The following PFDN4 variants were observed in gnomAD, a reference collection of about 807,000 sequenced individuals.
The protein encoded by PFDN4 is prefoldin 4.
PFDN4 carries 6 observed loss-of-function variants against 17.6 expected under a neutral mutation model. The ratio of observed to expected loss-of-function variants is 0.34; its 90% confidence interval spans 0.19 to 0.67. The LOEUF (loss-of-function observed/expected upper bound fraction) is 0.67, where lower values mean the gene tolerates loss of function less well. Among genes scored for constraint, PFDN4 ranks in the 30% least tolerant of loss-of-function variants. PFDN4 has a pLI of 0.68. For missense variants in PFDN4, 119 were observed against 158.4 expected (o/e 0.75, Z 1.33); for synonymous variants, 48 against 51.1 (o/e 0.94, Z 0.26).
intron 2 of PFDN4, among the ~76,000 whole-genome samples, chr20:54,214,982 G>GT (rs948311092): frequency 1.3e-5 from 2 of 152,126 alleles, no homozygotes; most frequent in African/African-American, 4.8e-5. Flanking sequence ...ATGTAGGCTG[G>GT]TTTTTTTGGT....
intron 3 of PFDN4, 120 bp downstream of exon 3, chr20:54,215,560 A>G (rs888951305): frequency 7.9e-6 from 5 of 633,030 alleles, no homozygotes; most frequent in South Asian, 3.0e-5. Context: ...GTTATGTCCC[A>G]GGCATGCTCC....
chr20:54,212,632 G>A (rs1176560716), intron 1 of PFDN4, among the ~76,000 whole-genome samples: 4 of 152,238 alleles, frequency 2.6e-5, no homozygotes, highest in South Asian at 2.1e-4. Context: ...CACTGGATCC[G>A]TTCATGTGAA....
At position 54,219,095 on chromosome 20, in the gene PFDN4, T is replaced by C; in HGVS notation, c.350T>C (p.Val117Ala). The change falls in exon 4 of 4, where the codon GTT (valine) becomes GCT (alanine). Residue 117 changes from valine to alanine, a missense_variant. By Grantham distance (64) the Val-to-Ala change is moderately conservative. This residue lies in a region of PFDN4 where 81 missense variants were observed against 111.7 expected (regional missense o/e 0.73). Coordinates refer to ENST00000371419, the MANE Select transcript of PFDN4 (RefSeq NM_002623.4). ...SIQRVLADLK[V>A]QLYAKFGSNI... ...CAGCGAGTGTTAGCAGATTTGAAAG[T>C]TCAGTTGTATGCAAAATTCGGGAGC... 6.3e-7 allele frequency: 1 copy of C among 1,594,402 alleles called. No homozygotes were observed. Among genetic ancestry groups the C allele is most frequent in the Non-Finnish European group, 8.6e-7 (1 of 1,168,028 alleles).
intron 2 of PFDN4, 74 bp from the exon 3 acceptor site, chr20:54,215,226 C>A: frequency 1.8e-6 from 2 of 1,089,332 alleles, no homozygotes; most frequent in East Asian, 2.4e-5. Flanking sequence ...AGTTGCTGTC[C>A]CCAAATTACA....
At chr20:54,211,623 G>A (rs1358800924) in intron 1 of PFDN4, among the ~76,000 whole-genome samples, 1 of 152,148 alleles carries the variant, frequency 6.6e-6, no homozygotes, top group Non-Finnish European at 1.5e-5. Context: ...GGATTGGATT[G>A]CAGCCTGACT....
intron 1 of PFDN4, chr20:54,209,037 G>T (rs1322383982): frequency 6.6e-6 from 1 of 152,242 alleles, no homozygotes; most frequent in Non-Finnish European, 1.5e-5. Context: ...AGAAGAAAAA[G>T]AAAATTGGAG....
rs116788543 is a variant in PFDN4 at position 54,214,045 on chromosome 20, A to C, written c.25-306A>C. ...ATGAAAGAATGCTCCAACTTGAGAA[A>C]TTCTGCTCTGTGCCAAAAGTTGGCT... On this transcript the variant is annotated intron_variant, in intron 1 of 3. Transcript: ENST00000371419. 5.0e-3 allele frequency among the ~76,000 whole-genome samples: 759 copies of C among 152,274 alleles called. 9 individuals are homozygous for C. The highest frequency in any genetic ancestry group is 0.017 in the African/African-American group (722 of 41,554).
Position 54,215,033 on chromosome 20 carries a change from T to G in PFDN4, c.133-267T>G, listed in dbSNP as rs571665223. On this transcript the variant is annotated intron_variant, in intron 2 of 3. Coordinates refer to ENST00000371419, the MANE Select transcript of PFDN4 (RefSeq NM_002623.4). Reference sequence around the variant, plus strand: ...AGGCAGAATTCACAAAGTCAAAAATTGTTAAAATAGAAGAAATTTTGAGTG... The same window carrying G: ...AGGCAGAATTCACAAAGTCAAAAATGGTTAAAATAGAAGAAATTTTGAGTG... 2.0e-5 allele frequency among the ~76,000 whole-genome samples: 3 copies of G among 152,342 alleles called. No homozygotes were observed. In the East Asian group the frequency reaches 5.8e-4, roughly 29 times the overall value.
At chr20:54,218,529 C>T (rs189574939) in intron 3 of PFDN4, among the ~76,000 whole-genome samples, 95 of 152,256 alleles carry the variant, frequency 6.2e-4, no homozygotes, top group African/African-American at 2.2e-3. Context: ...CTTTTTACCA[C>T]TCTTTTCCAA....
chr20:54,212,981 A>G (rs576321536), intron 1 of PFDN4, among the ~76,000 whole-genome samples: 1 of 152,342 alleles, frequency 6.6e-6, no homozygotes, highest in Non-Finnish European at 1.5e-5. Context: ...TGCATGTGAA[A>G]TTGTTTCTTG....
chr20:54,211,688 G>C (rs756364654), intron 1 of PFDN4, among the ~76,000 whole-genome samples: 30 of 152,114 alleles, frequency 2.0e-4, no homozygotes, highest in Admixed American at 1.6e-3. Flanking sequence ...GTTCTTCCTA[G>C]AGTTCTTCTG....
intron 3 of PFDN4, among the ~76,000 whole-genome samples, chr20:54,217,954 T>A (rs895909665): frequency 3.3e-5 from 5 of 152,168 alleles, no homozygotes; most frequent in African/African-American, 1.2e-4. Flanking sequence ...GGCCCCAGAA[T>A]GTGTATTTCT....
Position 54,219,861 on chromosome 20 carries a change from A to G in PFDN4, c.*711A>G. ...ATTTTATTTTAGTGCTTTGTAATTAATTGGGGTTTATATTGATAAAGATGT... is the reference window on the plus strand; with the variant it reads ...ATTTTATTTTAGTGCTTTGTAATTAGTTGGGGTTTATATTGATAAAGATGT... On this transcript the variant is annotated 3_prime_UTR_variant, in exon 4 of 4. Coordinates refer to ENST00000371419, the MANE Select transcript of PFDN4 (RefSeq NM_002623.4). The G allele has an allele frequency of 2.5e-6, 1 of 396,296 alleles. No individual in the cohort carries two copies. The highest frequency in any genetic ancestry group is 4.4e-6 in the Non-Finnish European group (1 of 224,840). 24.5% of individuals were successfully genotyped at this position (396,296 alleles called of 1,614,324 possible). A position where few individuals can be genotyped will look rare whatever the true frequency, so the allele number is the denominator to read the frequency against.
chr20:54,215,321 G>T lies in PFDN4; in HGVS notation c.154G>T (p.Asp52Tyr). 6.3e-6 allele frequency: 10 copies of T among 1,587,546 alleles called. No homozygotes were observed. The highest frequency in any genetic ancestry group is 8.6e-6 in the Non-Finnish European group (10 of 1,164,376). Reference sequence around the variant, plus strand: ...ATAGAAACAACTCCAAAACCTAGAAGATGCTTGTGATGACATCATGCTTGC... The same window carrying T: ...ATAGAAACAACTCCAAAACCTAGAATATGCTTGTGATGACATCATGCTTGC... ...VKKKQLQNLEDACDDIMLADD... is the reference protein window; with the variant it reads ...VKKKQLQNLEYACDDIMLADD... The change falls in exon 3 of 4, where the codon GAT becomes TAT. Residue 52 changes from aspartate to tyrosine, a missense_variant. Physicochemically the swap from Asp to Tyr is radical, Grantham distance 160. Around this residue, in one of 3 missense-constraint regions of PFDN4, gnomAD observed 81 missense variants for 111.7 expected, o/e 0.73. Transcript: ENST00000371419.
chr20:54,213,790 C>T (rs2092759079), intron 1 of PFDN4, among the ~76,000 whole-genome samples: 1 of 152,100 alleles, frequency 6.6e-6, no homozygotes, highest in African/African-American at 2.4e-5. Flanking sequence ...AAATACTAAA[C>T]ATTCAATTTT....
intron 1 of PFDN4, among the ~76,000 whole-genome samples, chr20:54,209,359 A>G (rs919522703): frequency 2.6e-5 from 4 of 152,180 alleles, no homozygotes; most frequent in Non-Finnish European, 5.9e-5. Context: ...CCAGTACCAC[A>G]TAGTCTATGC....
At position 54,211,787 on chromosome 20, in the gene PFDN4, C is replaced by T. The variant is rs190054626; in HGVS notation, c.25-2564C>T. Among the ~76,000 whole-genome samples, 224 of 152,284 alleles carry T rather than the reference C, an allele frequency of 1.5e-3. 1 individual carries two copies. In the Middle Eastern group the frequency reaches 0.017, roughly 12 times the overall value. On this transcript the variant is annotated intron_variant, in intron 1 of 3. Transcript: ENST00000371419. ...GATCCCTTTGAGAATCTGGTGAAAG[C>T]TATGAAGACCTTCCAGAAGGATGCA...
In PFDN4 at chr20:54,219,415, TTA is replaced by T. The variant is rs2092766840; in HGVS notation, c.*267_*268del. 5.4e-6 allele frequency: 2 copies of T among 367,666 alleles called. No individual in the cohort carries two copies. 22.8% of individuals were successfully genotyped at this position (367,666 alleles called of 1,614,324 possible). On this transcript the variant is annotated 3_prime_UTR_variant, in exon 4 of 4. Coordinates refer to ENST00000371419, the MANE Select transcript of PFDN4 (RefSeq NM_002623.4). ...TTATTAAAATCAGTTAAGCAATCTT[TTA>T]TGTTTCTATATTATTTAGAATATTT...
chr20:54,213,283 C>T (rs1017834534), intron 1 of PFDN4, among the ~76,000 whole-genome samples: 2 of 152,126 alleles, frequency 1.3e-5, no homozygotes, highest in Admixed American at 6.5e-5. Flanking sequence ...GGAAGGGAAA[C>T]CCTAAGGAGA....
Sources: allele counts gnomAD v4.1 joint callset (sites outside exome capture counted in the v4.1 genomes callset), GRCh38; gene constraint gnomAD v4.1.1; regional missense constraint gnomAD v4.1.1; transcripts MANE v1.5; gene names NCBI Gene and HGNC (gene_info 2026-07-23, HGNC 2026-07-21).